The following FNDC3B variants were observed in gnomAD, a reference collection of about 807,000 sequenced individuals.
The protein encoded by FNDC3B is fibronectin type III domain containing 3B.
In FNDC3B, 12 loss-of-function variants were observed where a neutral mutation model predicts 151.5. The ratio of observed to expected loss-of-function variants is 0.08; its 90% CI spans 0.05 to 0.13. The LOEUF (loss-of-function observed/expected upper bound fraction) is 0.13. FNDC3B is among the 10% of genes least tolerant of loss of function. The pLI, the probability that FNDC3B is intolerant of heterozygous loss-of-function variation, is 1.00. For missense variants in FNDC3B, 1,214 were observed against 1,505.3 expected (o/e 0.81, Z 3.20); for synonymous variants, 528 against 549.0 (o/e 0.96, Z 0.54).
At chr3:172,199,189 T>A (rs1246480573) in intron 3 of FNDC3B, among the ~76,000 whole-genome samples, 1 of 148,982 alleles carries the variant, frequency 6.7e-6, no homozygotes, top group Non-Finnish European at 1.5e-5. Flanking sequence ...ATTTTTTATT[T>A]TTTTTTTTTT....
At chr3:172,281,974 C>G in intron 6 of FNDC3B, among the ~76,000 whole-genome samples, 1 of 150,062 alleles carries the variant, frequency 6.7e-6, no homozygotes, top group East Asian at 1.9e-4. Context: ...CTGACATACA[C>G]TCTTTGTACA....
chr3:172,062,704 CT>C (rs148424802), intron 1 of FNDC3B, among the ~76,000 whole-genome samples: 463 of 149,130 alleles, frequency 3.1e-3, no homozygotes, highest in African/African-American at 7.3e-3. Flanking sequence ...TTTCTAAGTA[CT>C]TTTTTTTTTG....
In FNDC3B at chr3:172,341,181, A is replaced by C. The variant is rs1318943844; in HGVS notation, c.1921A>C (p.Thr641Pro). 1 of 1,614,210 alleles carries C rather than the reference A, an allele frequency of 6.2e-7. No homozygotes were observed. Among genetic ancestry groups the C allele is most frequent in the South Asian group, 1.1e-5 (1 of 91,090 alleles). ...EYTFTHLKPG[T>P]LYKLRACCIS... ...CACCTTCACCCACTTGAAACCAGGCACTTTGTACAAACTCCGAGCATGCTG... is the reference window on the plus strand; with the variant it reads ...CACCTTCACCCACTTGAAACCAGGCCCTTTGTACAAACTCCGAGCATGCTG... Residue 641 changes from threonine (T) to proline (P), a missense_variant, in exon 17 of 26, where the codon ACT becomes CCT. Thr to Pro is a conservative substitution (Grantham distance 38). Coordinates refer to ENST00000415807, the MANE Select transcript of FNDC3B (RefSeq NM_022763.4).
chr3:172,388,985 A>T (rs1735869739), intron 25 of FNDC3B, among the ~76,000 whole-genome samples: 1 of 152,162 alleles, frequency 6.6e-6, no homozygotes, highest in African/African-American at 2.4e-5. Context: ...TATTATTTTC[A>T]TGTAGGGGGC....
At chr3:172,164,667 G>T (rs572019121) in intron 3 of FNDC3B, among the ~76,000 whole-genome samples, 1 of 152,180 alleles carries the variant, frequency 6.6e-6, no homozygotes, top group African/African-American at 2.4e-5. Context: ...AGAATTGACC[G>T]AATACTCAGC....
At chr3:172,263,909 A>G (rs761208159) in intron 6 of FNDC3B, among the ~76,000 whole-genome samples, 1 of 152,140 alleles carries the variant, frequency 6.6e-6, no homozygotes, top group Non-Finnish European at 1.5e-5. Flanking sequence ...GCATCATAGA[A>G]TCAGTAGGAT....
At chr3:172,396,478 A>G (rs1736285018) in intron 25 of FNDC3B, among the ~76,000 whole-genome samples, 1 of 152,144 alleles carries the variant, frequency 6.6e-6, no homozygotes, top group Admixed American at 6.6e-5. Context: ...TGGGACCAAA[A>G]ACATAGACCT....
chr3:172,150,454 C>T (rs192382653), intron 3 of FNDC3B, among the ~76,000 whole-genome samples: 3 of 152,084 alleles, frequency 2.0e-5, no homozygotes, highest in East Asian at 3.9e-4. Flanking sequence ...CCCATGCGTA[C>T]ACCTCTTATC....
chr3:172,103,405 C>T (rs1416529735), intron 1 of FNDC3B, among the ~76,000 whole-genome samples: 1 of 152,082 alleles, frequency 6.6e-6, no homozygotes, highest in Non-Finnish European at 1.5e-5. Flanking sequence ...AATTTTTACT[C>T]ATAATCCTTA....
Position 172,353,091 on chromosome 3 carries a change from C to G in FNDC3B, c.2795+8C>G, listed in dbSNP as rs750807697. 1.2e-6 allele frequency: 2 copies of G among 1,611,524 alleles called. No homozygotes were observed. Among genetic ancestry groups the G allele is most frequent in the Admixed American group, 1.7e-5 (1 of 59,934 alleles). On this transcript the variant is annotated splice_region_variant and intron_variant, in intron 22 of 25. Transcript: ENST00000415807. ...TCCAGAAACCACCTACCGGTGAGTGCAAGGGAGTAGAAATCTGCATCAGCA... is the reference window on the plus strand; with the variant it reads ...TCCAGAAACCACCTACCGGTGAGTGGAAGGGAGTAGAAATCTGCATCAGCA...
chr3:172,321,747 T>A, intron 11 of FNDC3B: 1 of 196,106 alleles, frequency 5.1e-6, no homozygotes. Context: ...ATGTTTATTA[T>A]TTATTTATTT....
chr3:172,216,119 T>C (rs1725965101), intron 3 of FNDC3B, among the ~76,000 whole-genome samples: 1 of 152,212 alleles, frequency 6.6e-6, no homozygotes, highest in Non-Finnish European at 1.5e-5. Flanking sequence ...TTAAAGGTTT[T>C]GAAATGAAGC....
At chr3:172,199,043 G>C (rs1041280791) in intron 3 of FNDC3B, among the ~76,000 whole-genome samples, 1 of 152,042 alleles carries the variant, frequency 6.6e-6, no homozygotes, top group Non-Finnish European at 1.5e-5. Context: ...TGCCCAGGCT[G>C]GTCTTAAACT....
intron 25 of FNDC3B, among the ~76,000 whole-genome samples, chr3:172,396,013 ACTC>A (rs1288005013): frequency 2.0e-5 from 3 of 152,178 alleles, no homozygotes; most frequent in East Asian, 1.9e-4. Flanking sequence ...CTACAGAACT[ACTC>A]TGTGACCCAG....
intron 23 of FNDC3B, among the ~76,000 whole-genome samples, chr3:172,366,137 T>C (rs1246180986): frequency 6.6e-6 from 1 of 152,234 alleles, no homozygotes; most frequent in East Asian, 1.9e-4. Context: ...GAGTAACTAC[T>C]TAATGTCCAA....
At chr3:172,092,325 T>TG (rs756028862) in intron 1 of FNDC3B, among the ~76,000 whole-genome samples, 19 of 152,226 alleles carry the variant, frequency 1.2e-4, no homozygotes, top group Admixed American at 2.6e-4. Context: ...TGTCATATGC[T>TG]GGACTCTACC....
chr3:172,276,445 A>G (rs1203323670), intron 6 of FNDC3B, among the ~76,000 whole-genome samples: 3 of 152,216 alleles, frequency 2.0e-5, no homozygotes, highest in Non-Finnish European at 2.9e-5. Flanking sequence ...AGATACTTTG[A>G]AAAGTGGGAG....
intron 3 of FNDC3B, among the ~76,000 whole-genome samples, chr3:172,175,774 G>A (rs893932422): frequency 6.6e-6 from 1 of 152,184 alleles, no homozygotes; most frequent in African/African-American, 2.4e-5. Flanking sequence ...TACCGCGTTG[G>A]AGAAGTGTGA....
intron 7 of FNDC3B, among the ~76,000 whole-genome samples, chr3:172,292,985 G>A (rs1730420009): frequency 6.6e-6 from 1 of 152,132 alleles, no homozygotes; most frequent in Non-Finnish European, 1.5e-5. Flanking sequence ...CAGTGCAGAC[G>A]GTACAGGAAC....
Sources: gnomAD v4.1 joint callset for allele counts (sites outside exome capture counted in the v4.1 genomes callset) on GRCh38, gnomAD v4.1.1 for gene constraint, MANE v1.5 for transcripts, NCBI Gene and HGNC (gene_info 2026-07-23, HGNC 2026-07-21) for gene names.